The following FHIT variants were observed in gnomAD, a reference collection of about 807,000 sequenced individuals.
FHIT encodes the protein bis(5'-adenosyl)-triphosphatase.
In FHIT, 19 loss-of-function variants were observed where a neutral mutation model predicts 17.9. The ratio of observed to expected loss-of-function variants is 1.06; its 90% confidence interval spans 0.74 to 1.56. The LOEUF (loss-of-function observed/expected upper bound fraction) is 1.56, where lower values mean the gene tolerates loss of function less well. FHIT is among the 40% of genes most tolerant of loss of function. The probability of loss-of-function intolerance (pLI) is 0.00; values close to 1 mark genes in which losing one functional copy is unlikely to be tolerated. For synonymous variants in FHIT, 81 were observed against 69.7 expected (o/e 1.16, Z -0.81); for missense variants, 248 against 189.2 (o/e 1.31, Z -1.82).
chr3:60,927,322 G>A (rs1707680471), intron 3 of FHIT, among the ~76,000 whole-genome samples: 1 of 152,232 alleles, frequency 6.6e-6, no homozygotes, highest in South Asian at 2.1e-4. Flanking sequence ...CCAGGCTGGA[G>A]TGCAGTGGCG....
intron 7 of FHIT, among the ~76,000 whole-genome samples, chr3:59,997,279 C>G (rs1699552447): frequency 6.6e-6 from 1 of 152,116 alleles, no homozygotes; most frequent in Admixed American, 6.6e-5. Context: ...CATTTTCTTT[C>G]AACTTCTACA....
chr3:60,422,986 A>T (rs556706049), intron 5 of FHIT, among the ~76,000 whole-genome samples: 3 of 152,264 alleles, frequency 2.0e-5, no homozygotes, highest in South Asian at 2.1e-4. Context: ...TTGTATTTTT[A>T]AAAATGTTAT....
intron 7 of FHIT, among the ~76,000 whole-genome samples, chr3:59,989,475 G>A (rs1456633348): frequency 6.6e-6 from 1 of 152,024 alleles, no homozygotes; most frequent in East Asian, 1.9e-4. Flanking sequence ...GTTCAGAAGT[G>A]ACCATGGGAA....
intron 5 of FHIT, among the ~76,000 whole-genome samples, chr3:60,321,880 C>G (rs958865878): frequency 3.0e-4 from 46 of 152,210 alleles, no homozygotes; most frequent in African/African-American, 1.1e-3. Context: ...TCCCTCCAAC[C>G]TCCTTTAAGA....
At chr3:60,742,899 C>T (rs560288973) in intron 4 of FHIT, among the ~76,000 whole-genome samples, 18 of 152,292 alleles carry the variant, frequency 1.2e-4, no homozygotes, top group Admixed American at 2.6e-4. Flanking sequence ...AAAGTAGGAA[C>T]GTTTTTCAAT....
At chr3:60,656,697 C>T (rs1285731747) in intron 4 of FHIT, among the ~76,000 whole-genome samples, 1 of 152,176 alleles carries the variant, frequency 6.6e-6, no homozygotes, top group Non-Finnish European at 1.5e-5. Flanking sequence ...TTGTAGATCC[C>T]TTTGATGTCT....
rs975012656 is a variant in FHIT at position 59,748,323 on chromosome 3, G to A, written c.*1262C>T. ...AAAATGGGAATGAATGCAATTTGGG[G>A]AACACTGTATTCGCCCAAGTGATGT... On this transcript the variant is annotated 3_prime_UTR_variant, in exon 10 of 10. Transcript: ENST00000492590. Among the ~76,000 whole-genome samples the A allele has an allele frequency of 1.3e-5, 2 of 152,026 alleles. No homozygotes were observed. Among genetic ancestry groups the A allele is most frequent in the Non-Finnish European group, 2.9e-5 (2 of 67,996 alleles).
At chr3:61,068,182 C>T (rs1408604986) in intron 2 of FHIT, among the ~76,000 whole-genome samples, 1 of 152,222 alleles carries the variant, frequency 6.6e-6, no homozygotes, top group Admixed American at 6.5e-5. Context: ...TCTTACTATT[C>T]TGTGGGTCAG....
At chr3:60,324,573 G>GGAAAAAAAA (rs757433390) in intron 5 of FHIT, among the ~76,000 whole-genome samples, 2 of 128,856 alleles carry the variant, frequency 1.6e-5, no homozygotes, top group African/African-American at 5.9e-5. Context: ...GACTCCATCA[G>GGAAAAAAAA]AAAAAAAAAA....
intron 4 of FHIT, among the ~76,000 whole-genome samples, chr3:60,776,006 C>A (rs1277841655): frequency 6.6e-5 from 10 of 152,162 alleles, no homozygotes; most frequent in Admixed American, 3.9e-4. Context: ...CCCTTCTCTA[C>A]CCCATCAGCA....
At chr3:60,359,503 T>C (rs1014653703) in intron 5 of FHIT, among the ~76,000 whole-genome samples, 1 of 151,972 alleles carries the variant, frequency 6.6e-6, no homozygotes, top group African/African-American at 2.4e-5. Context: ...ATGGTCTCAA[T>C]CTCTTGACCT....
intron 8 of FHIT, among the ~76,000 whole-genome samples, chr3:59,795,180 G>A (rs1699727739): frequency 6.6e-6 from 1 of 152,130 alleles, no homozygotes; most frequent in South Asian, 2.1e-4. Context: ...GAGGTCAGGA[G>A]TTCGAGACCA....
chr3:60,492,476 G>T (rs2034107657), intron 5 of FHIT, among the ~76,000 whole-genome samples: 1 of 151,330 alleles, frequency 6.6e-6, no homozygotes, highest in Non-Finnish European at 1.5e-5. Flanking sequence ...TAGTAAATGT[G>T]CAATAATCAC....
At chr3:60,889,506 T>C (rs1705399476) in intron 3 of FHIT, among the ~76,000 whole-genome samples, 1 of 152,214 alleles carries the variant, frequency 6.6e-6, no homozygotes, top group South Asian at 2.1e-4. Context: ...CTACAATCTA[T>C]AGAGCACTTC....
At chr3:60,675,647 T>C (rs1716717) in intron 4 of FHIT, among the ~76,000 whole-genome samples, 1 of 152,062 alleles carries the variant, frequency 6.6e-6, no homozygotes, top group African/African-American at 2.4e-5. Flanking sequence ...AGCAGTAGTC[T>C]GCTCTCTTTT....
At chr3:60,557,415 T>C (rs1419916964) in intron 4 of FHIT, among the ~76,000 whole-genome samples, 2 of 151,654 alleles carry the variant, frequency 1.3e-5, no homozygotes, top group African/African-American at 2.4e-5. Flanking sequence ...AAAAAAAAAA[T>C]AGACATGATG....
intron 1 of FHIT, among the ~76,000 whole-genome samples, chr3:61,224,528 G>A (rs1044553220): frequency 6.6e-6 from 1 of 152,086 alleles, no homozygotes. Context: ...TCCTGCCTCA[G>A]CCTCCCAAGT....
chr3:60,914,022 CTT>C (rs1217505150), intron 3 of FHIT, among the ~76,000 whole-genome samples: 3 of 152,160 alleles, frequency 2.0e-5, no homozygotes, highest in African/African-American at 7.2e-5. Context: ...AGAAAAAAGA[CTT>C]TATTTCTTGA....
At chr3:59,956,601 G>C (rs1278292227) in intron 7 of FHIT, among the ~76,000 whole-genome samples, 1 of 152,152 alleles carries the variant, frequency 6.6e-6, no homozygotes. Flanking sequence ...CCGGGAGGGA[G>C]AGGTTACCGT....
Sources: gnomAD v4.1 joint callset for allele counts (sites outside exome capture counted in the v4.1 genomes callset) on GRCh38, gnomAD v4.1.1 for gene constraint, MANE v1.5 for transcripts, NCBI Gene and HGNC (gene_info 2026-07-23, HGNC 2026-07-21) for gene names.